DIAPH3: variants seen among roughly 807,000 people sequenced by gnomAD.
DIAPH3 encodes protein diaphanous homolog 3.
In DIAPH3, 117 loss-of-function variants were observed where a neutral mutation model predicts 144.3. The ratio of observed to expected loss-of-function variants is 0.81; its 90% CI spans 0.70 to 0.95. The LOEUF (loss-of-function observed/expected upper bound fraction) is 0.95. DIAPH3 is among the 40% of genes least tolerant of loss of function. DIAPH3 has a pLI of 0.00. For missense variants in DIAPH3, 1,421 were observed against 1,412.7 expected, an observed-to-expected ratio of 1.01 and a Z score of -0.09; for synonymous variants, 519 against 488.9, an observed-to-expected ratio of 1.06 and a Z score of -0.81.
chr13:59,792,279 C>G (rs1365747976), intron 25 of DIAPH3, among the ~76,000 whole-genome samples: 1 of 151,940 alleles, frequency 6.6e-6, no homozygotes, highest in African/African-American at 2.4e-5. Flanking sequence ...ACTTTTTTTT[C>G]CTCATGTAAA....
intron 5 of DIAPH3, among the ~76,000 whole-genome samples, chr13:60,039,639 A>C (rs533936041): frequency 6.6e-6 from 1 of 152,264 alleles, no homozygotes; most frequent in South Asian, 2.1e-4. Flanking sequence ...TCCTGAACCT[A>C]CACCAGCATT....
At chr13:59,761,432 T>TA (rs548374783) in intron 27 of DIAPH3, among the ~76,000 whole-genome samples, 36 of 149,424 alleles carry the variant, frequency 2.4e-4, no homozygotes, top group East Asian at 1.6e-3. Context: ...CTCTAAAAAG[T>TA]AAAAAAAAAA....
chr13:59,947,894 T>C (rs2048882713), intron 17 of DIAPH3, among the ~76,000 whole-genome samples: 1 of 152,148 alleles, frequency 6.6e-6, no homozygotes, highest in Admixed American at 6.6e-5. Context: ...GGAAGGGAAT[T>C]TAGAATCCAG....
chr13:59,952,521 T>C (rs1422079112), intron 17 of DIAPH3, among the ~76,000 whole-genome samples: 1 of 152,118 alleles, frequency 6.6e-6, no homozygotes, highest in Non-Finnish European at 1.5e-5. Context: ...CAACACAGAA[T>C]TTACCTATAA....
In DIAPH3 at chr13:60,093,613, G is replaced by C. The variant is rs1402804877; in HGVS notation, c.495+15C>G. ...CATGTTCGGCAGTATTTTTCAACTT[G>C]ACAGTTTTACTTACTGTCTTAGAAG... On this transcript the variant is annotated intron_variant, in intron 4 of 27. Coordinates refer to ENST00000400324, the MANE Select transcript of DIAPH3 (RefSeq NM_001042517.2). 2 of 1,524,264 alleles carry C rather than the reference G, an allele frequency of 1.3e-6. No homozygotes were observed. Among genetic ancestry groups the C allele is most frequent in the Non-Finnish European group, 1.8e-6 (2 of 1,100,372 alleles). 94.4% of individuals were successfully genotyped at this position (1,524,264 alleles called of 1,614,324 possible). A position where few individuals can be genotyped will look rare whatever the true frequency, so the allele number is the denominator to read the frequency against.
chr13:60,128,404 A>G (rs998300006), intron 2 of DIAPH3, among the ~76,000 whole-genome samples: 4 of 152,124 alleles, frequency 2.6e-5, no homozygotes, highest in African/African-American at 9.7e-5. Flanking sequence ...AGAAAATTTT[A>G]TATTCCTTTG....
intron 4 of DIAPH3, among the ~76,000 whole-genome samples, chr13:60,050,486 G>A (rs2056284671): frequency 1.3e-5 from 2 of 152,124 alleles, no homozygotes; most frequent in African/African-American, 2.4e-5. Flanking sequence ...TCTTGGGGCT[G>A]AGAATAATTT....
intron 22 of DIAPH3, among the ~76,000 whole-genome samples, chr13:59,845,333 C>T (rs997587688): frequency 5.9e-5 from 9 of 152,106 alleles, no homozygotes; most frequent in African/African-American, 1.7e-4. Flanking sequence ...TGAGCCACCG[C>T]GCCTGGCTGA....
intron 1 of DIAPH3, among the ~76,000 whole-genome samples, chr13:60,134,775 G>GT (rs1491425353): frequency 6.6e-6 from 1 of 151,396 alleles, no homozygotes; most frequent in African/African-American, 2.4e-5. Flanking sequence ...TGCTTAAAAA[G>GT]TAAAGCCAAA....
intron 5 of DIAPH3, among the ~76,000 whole-genome samples, chr13:60,031,082 C>T (rs1173952689): frequency 6.6e-6 from 1 of 152,100 alleles, no homozygotes; most frequent in African/African-American, 2.4e-5. Context: ...TTAATTGGCT[C>T]GCAGTTCTGC....
intron 27 of DIAPH3, among the ~76,000 whole-genome samples, chr13:59,749,138 C>T (rs1454181679): frequency 3.0e-5 from 4 of 134,068 alleles, no homozygotes; most frequent in South Asian, 2.6e-4. Flanking sequence ...CGCTTGTGCC[C>T]GGGAGGCAGA....
At chr13:60,119,399 C>T (rs894514620) in intron 2 of DIAPH3, among the ~76,000 whole-genome samples, 2 of 152,170 alleles carry the variant, frequency 1.3e-5, no homozygotes, top group Admixed American at 1.3e-4. Flanking sequence ...GAACCCAACC[C>T]AGAACCACCC....
At chr13:59,882,406 G>C (rs1188337811) in intron 20 of DIAPH3, among the ~76,000 whole-genome samples, 1 of 151,998 alleles carries the variant, frequency 6.6e-6, no homozygotes, top group Non-Finnish European at 1.5e-5. Context: ...CTCATTATTT[G>C]AATCAAACTT....
intron 14 of DIAPH3, among the ~76,000 whole-genome samples, chr13:59,980,005 C>G (rs1459104400): frequency 3.3e-5 from 5 of 151,654 alleles, no homozygotes; most frequent in Admixed American, 6.6e-5. Flanking sequence ...TTTATGCCTA[C>G]TGTTCCATTA....
At chr13:60,068,308 T>C (rs1470792283) in intron 4 of DIAPH3, among the ~76,000 whole-genome samples, 1 of 152,226 alleles carries the variant, frequency 6.6e-6, no homozygotes, top group East Asian at 1.9e-4. Flanking sequence ...AATGCTATAT[T>C]ACATCACAGT....
intron 9 of DIAPH3, among the ~76,000 whole-genome samples, chr13:60,002,111 G>T (rs182056912): frequency 6.6e-6 from 1 of 151,442 alleles, no homozygotes; most frequent in South Asian, 2.1e-4. Flanking sequence ...GTGGAAAGAT[G>T]AATCAAAAAA....
intron 3 of DIAPH3, among the ~76,000 whole-genome samples, chr13:60,104,872 G>A (rs1324623661): frequency 1.1e-4 from 16 of 151,940 alleles, no homozygotes; most frequent in East Asian, 1.9e-4. Flanking sequence ...CAGGCGGTTC[G>A]TTCACGAGGT....
intron 22 of DIAPH3, among the ~76,000 whole-genome samples, chr13:59,851,389 C>T (rs183722902): frequency 6.6e-6 from 1 of 152,256 alleles, no homozygotes; most frequent in Non-Finnish European, 1.5e-5. Flanking sequence ...TTATGTTTTT[C>T]TCAAAGACCA....
intron 17 of DIAPH3, among the ~76,000 whole-genome samples, chr13:59,932,431 C>T (rs555022409): frequency 5.7e-4 from 86 of 152,074 alleles, no homozygotes; most frequent in African/African-American, 1.8e-3. Flanking sequence ...GGAAAAATAA[C>T]GCTTAGGGTA....
Sources: allele counts gnomAD v4.1 joint callset (sites outside exome capture counted in the v4.1 genomes callset), GRCh38; gene constraint gnomAD v4.1.1; transcripts MANE v1.5; gene names NCBI Gene and HGNC (gene_info 2026-07-23, HGNC 2026-07-21).